Variants in DOCK8 observed in about 807,000 individuals in gnomAD.
The protein encoded by DOCK8 is dedicator of cytokinesis 8, also known as dedicator of cytokinesis protein 8.
DOCK8 carries 141 observed loss-of-function variants against 245.6 expected under a neutral mutation model. That is an observed-to-expected ratio of 0.57 (90% CI 0.50 to 0.66). The LOEUF is 0.66. DOCK8 is among the 30% of genes least tolerant of loss of function. The probability of loss-of-function intolerance (pLI) is 0.00; values close to 1 mark genes in which losing one functional copy is unlikely to be tolerated. For synonymous variants in DOCK8, 1,168 were observed against 970.2 expected (o/e 1.20, Z -3.79); for missense variants, 2,965 against 2,603.4 (o/e 1.14, Z -3.02).
rs766788491 is a variant in DOCK8 at position 271,746 on chromosome 9, G to C, written c.156+17G>C. The C allele has an allele frequency of 4.6e-5, 70 of 1,532,276 alleles. No homozygotes were observed. The South Asian group carries it at 6.8e-4, about 15-fold the overall frequency. 94.9% of individuals were successfully genotyped at this position (1,532,276 alleles called of 1,614,324 possible). A position where few individuals can be genotyped will look rare whatever the true frequency, so the allele number is the denominator to read the frequency against. ...CTTCAACTAGTAAGTATGAGTTCCA[G>C]GTTTACTTAGCGATTGGTCAAGTGC... is the stretch of plus-strand genomic sequence containing the variant. On this transcript the variant is annotated intron_variant, in intron 2 of 47. Coordinates refer to ENST00000432829, the MANE Select transcript of DOCK8 (RefSeq NM_203447.4).
At chr9:306,479 T>G (rs1457933998) in intron 5 of DOCK8, among the ~76,000 whole-genome samples, 1 of 152,206 alleles carries the variant, frequency 6.6e-6, no homozygotes, top group Non-Finnish European at 1.5e-5. Context: ...GGTAGGTATT[T>G]CAGCAGAAGA....
At chr9:338,543 C>T (rs1343644068) in intron 12 of DOCK8, among the ~76,000 whole-genome samples, 1 of 152,198 alleles carries the variant, frequency 6.6e-6, no homozygotes, top group African/African-American at 2.4e-5. Flanking sequence ...CCTGACCCAT[C>T]TTGGGCATAT....
At chr9:339,462 G>A (rs976276741) in intron 13 of DOCK8, among the ~76,000 whole-genome samples, 1 of 152,110 alleles carries the variant, frequency 6.6e-6, no homozygotes, top group African/African-American at 2.4e-5. Flanking sequence ...ATCCTCACTC[G>A]GCAGCCCTGG....
intron 10 of DOCK8, 139 bp from the exon 11 acceptor site, chr9:334,086 T>C: frequency 3.2e-6 from 3 of 936,938 alleles, no homozygotes; most frequent in South Asian, 1.5e-5. Flanking sequence ...ACTGTTTTTA[T>C]TTTTTAGTGG....
chr9:437,597 A>G (rs770299837), intron 39 of DOCK8, among the ~76,000 whole-genome samples: 8 of 152,230 alleles, frequency 5.3e-5, no homozygotes, highest in Non-Finnish European at 7.3e-5. Flanking sequence ...GACAGCATTA[A>G]CAACAGATGT....
chr9:416,765 C>T (rs941775022), intron 29 of DOCK8, among the ~76,000 whole-genome samples: 5 of 152,122 alleles, frequency 3.3e-5, no homozygotes, highest in Non-Finnish European at 7.4e-5. Context: ...ACGATGTCTA[C>T]CTTTTAGGTT....
At position 382,671 on chromosome 9, in the gene DOCK8, A is replaced by T. The variant is rs1310772002; in HGVS notation, c.2764A>T (p.Ile922Phe). The T allele has an allele frequency of 1.2e-6, 2 of 1,614,082 alleles. No individual in the cohort carries two copies. The highest frequency in any genetic ancestry group is 1.7e-5 in the Admixed American group (1 of 59,998). Residue 922 changes from isoleucine (I) to phenylalanine (F), a missense_variant, in exon 22 of 48, where the codon ATC (isoleucine) becomes TTC (phenylalanine). By Grantham distance (21) the Ile-to-Phe change is conservative. Transcript: ENST00000432829. ...HSAADEEVKN[I>F]MSSKIADRNC... ...CGCAGCAGACGAGGAAGTGAAGAACATCATGTCTTCAAAGGTAGGAAAGAT... is the reference window on the plus strand; with the variant it reads ...CGCAGCAGACGAGGAAGTGAAGAACTTCATGTCTTCAAAGGTAGGAAAGAT...
chr9:294,898 G>A (rs892181900), intron 4 of DOCK8, among the ~76,000 whole-genome samples: 2 of 152,208 alleles, frequency 1.3e-5, no homozygotes, highest in African/African-American at 4.8e-5. Flanking sequence ...GGTGGCTCAT[G>A]CCTGTAATCC....
intron 14 of DOCK8, among the ~76,000 whole-genome samples, chr9:347,043 T>A (rs1390345404): frequency 1.3e-5 from 2 of 152,130 alleles, no homozygotes; most frequent in African/African-American, 4.8e-5. Flanking sequence ...TGGTTGTGCA[T>A]CAGAGTAAGT....
intron 42 of DOCK8, among the ~76,000 whole-genome samples, chr9:443,166 A>G (rs1447559892): frequency 1.3e-5 from 2 of 152,182 alleles, no homozygotes; most frequent in African/African-American, 4.8e-5. Flanking sequence ...ACCCCAGGAG[A>G]TACCTCAGCA....
At chr9:341,700 C>G (rs547660092) in intron 14 of DOCK8, among the ~76,000 whole-genome samples, 6 of 152,324 alleles carry the variant, frequency 3.9e-5, no homozygotes, top group African/African-American at 1.2e-4. Context: ...ACTTCACACT[C>G]TAGGTCAGGG....
intron 46 of DOCK8, chr9:458,256 T>A (rs1368023703): frequency 6.6e-6 from 1 of 152,152 alleles, no homozygotes; most frequent in African/African-American, 2.4e-5. Flanking sequence ...ATATGGTTGC[T>A]AGGGCTCCAG....
At chr9:342,469 C>T (rs12342672) in intron 14 of DOCK8, among the ~76,000 whole-genome samples, 87,546 of 129,150 alleles carry the variant, frequency 0.68, 25,975 homozygotes, top group East Asian at 0.8. Flanking sequence ...GGGTTTTTTT[C>T]GTTTTTTTGT....
At chr9:461,527 A>ATTTTTTTTTT (rs530827485) in intron 46 of DOCK8, among the ~76,000 whole-genome samples, 4 of 67,286 alleles carry the variant, frequency 5.9e-5, no homozygotes, top group African/African-American at 2.1e-4. Context: ...TAGCAACTGC[A>ATTTTTTTTTT]TTTTTTTTTT....
intron 32 of DOCK8, 37 bp downstream of exon 32, chr9:421,115 C>T (rs558212306): frequency 6.2e-7 from 1 of 1,613,132 alleles, no homozygotes; most frequent in African/African-American, 1.3e-5. Flanking sequence ...CTCTGTCAAG[C>T]AGTTTTTCAC....
upstream of DOCK8, among the ~76,000 whole-genome samples, chr9:211,296 C>G (rs1302706650): frequency 6.6e-6 from 1 of 152,060 alleles, no homozygotes; most frequent in African/African-American, 2.4e-5. Context: ...AGCTGGAGAT[C>G]TTCCCTGCTC....
upstream of DOCK8, among the ~76,000 whole-genome samples, chr9:211,261 A>G (rs2046615738): frequency 6.6e-6 from 1 of 152,154 alleles, no homozygotes; most frequent in Non-Finnish European, 1.5e-5. Flanking sequence ...CTGGGCAGAC[A>G]GGAGCACCGC....
intron 14 of DOCK8, among the ~76,000 whole-genome samples, chr9:363,989 TC>T (rs774911102): frequency 1.3e-5 from 2 of 152,226 alleles, no homozygotes; most frequent in Non-Finnish European, 2.9e-5. Flanking sequence ...GGCTCATTAT[TC>T]CTTCAAACAC....
chr9:263,327 G>A (rs2047963833), intron 1 of DOCK8, among the ~76,000 whole-genome samples: 1 of 151,412 alleles, frequency 6.6e-6, no homozygotes, highest in South Asian at 2.1e-4. Context: ...ATACATGTTT[G>A]ACTTATTAGA....
Sources: gnomAD v4.1 joint callset for allele counts (sites outside exome capture counted in the v4.1 genomes callset) on GRCh38, gnomAD v4.1.1 for gene constraint, MANE v1.5 for transcripts, NCBI Gene and HGNC (gene_info 2026-07-23, HGNC 2026-07-21) for gene names.